NOVA1: variants seen among roughly 807,000 people sequenced by gnomAD.
NOVA1 encodes the protein NOVA alternative splicing regulator 1.
NOVA1 carries 7 observed loss-of-function variants against 38.0 expected under a neutral mutation model. The observed-to-expected ratio is 0.18, with a 90% confidence interval of 0.10 to 0.35. The LOEUF (loss-of-function observed/expected upper bound fraction) is 0.35, where lower values mean the gene tolerates loss of function less well. NOVA1 is among the 10% of genes least tolerant of loss of function. NOVA1 has a pLI of 1.00. For missense variants in NOVA1, 460 were observed against 616.0 expected, an observed-to-expected ratio of 0.75 and a Z score of 2.68; for synonymous variants, 270 against 232.5, an observed-to-expected ratio of 1.16 and a Z score of -1.47.
chr14:26,545,567 A>G (rs1031667687), intron 2 of NOVA1, among the ~76,000 whole-genome samples: 2 of 152,092 alleles, frequency 1.3e-5, no homozygotes, highest in Middle Eastern at 3.2e-3. Context: ...CCTGAGGACA[A>G]TGGGGGCCAC....
intron 2 of NOVA1, 108 bp downstream of exon 2, chr14:26,595,302 A>T: frequency 8.5e-6 from 9 of 1,065,046 alleles, no homozygotes; most frequent in Non-Finnish European, 1.2e-5. Flanking sequence ...ATATCTAAAT[A>T]AAGTCTCCAG....
intron 2 of NOVA1, among the ~76,000 whole-genome samples, chr14:26,552,908 T>C (rs952333765): frequency 6.6e-6 from 1 of 152,196 alleles, no homozygotes; most frequent in South Asian, 2.1e-4. Flanking sequence ...GGTAGAATGA[T>C]AGCAAAGCTC....
At chr14:26,506,536 C>T (rs1887649140) in intron 2 of NOVA1, among the ~76,000 whole-genome samples, 1 of 152,142 alleles carries the variant, frequency 6.6e-6, no homozygotes, top group African/African-American at 2.4e-5. Flanking sequence ...TTAATCAGTG[C>T]AGACCTTAAA....
In NOVA1 at chr14:26,597,463, G is replaced by GGA; in HGVS notation, c.-29_-28dup. The stretch of plus-strand genomic sequence containing the variant: ...TTTGCAGTTCCTGCCGCTGCTACCG[G>GGA]GAGAAGGTTCTCCCTTTTGTTTTGG... On this transcript the variant is annotated 5_prime_UTR_variant, in exon 1 of 5. Transcript: ENST00000539517. 1 of 1,283,862 alleles carries GGA rather than the reference G, an allele frequency of 7.8e-7. No homozygotes were observed. Among genetic ancestry groups the GGA allele is most frequent in the Non-Finnish European group, 9.9e-7 (1 of 1,008,088 alleles). The allele number at this position is 1,283,862 out of a possible 1,614,324, so 79.5% of individuals were successfully genotyped here. A position where few individuals can be genotyped will look rare whatever the true frequency, so the allele number is the denominator to read the frequency against.
chr14:26,597,582 C>T lies in NOVA1; in HGVS notation c.-146G>A. On this transcript the variant is annotated 5_prime_UTR_variant, in exon 1 of 5. Coordinates refer to ENST00000539517, the MANE Select transcript of NOVA1 (RefSeq NM_002515.3). ...TTTTTAATCGGATCAATATAAATCT[C>T]TTTAGGAAAAAAAGCAATGTTGCTG... 8.5e-7 allele frequency: 1 copy of T among 1,179,374 alleles called. No individual in the cohort carries two copies. Among genetic ancestry groups the T allele is most frequent in the Non-Finnish European group, 1.0e-6 (1 of 970,602 alleles). 73.1% of individuals were successfully genotyped at this position (1,179,374 alleles called of 1,614,324 possible).
At chr14:26,482,595 C>T (rs191036049) in intron 2 of NOVA1, among the ~76,000 whole-genome samples, 7 of 152,222 alleles carry the variant, frequency 4.6e-5, no homozygotes, top group Admixed American at 3.9e-4. Flanking sequence ...TTAACAGTAG[C>T]ATTTATTTCT....
chr14:26,469,963 T>C (rs1449731048), intron 4 of NOVA1, among the ~76,000 whole-genome samples: 1 of 152,170 alleles, frequency 6.6e-6, no homozygotes, highest in East Asian at 1.9e-4. Flanking sequence ...GACAACACTG[T>C]AGTCAGAGTC....
At chr14:26,452,480 T>C (rs1201948282) in intron 4 of NOVA1, among the ~76,000 whole-genome samples, 1 of 152,180 alleles carries the variant, frequency 6.6e-6, no homozygotes, top group Non-Finnish European at 1.5e-5. Context: ...AGATAGATTA[T>C]TTTCTCTTAC....
At chr14:26,563,418 T>A (rs1891945987) in intron 2 of NOVA1, among the ~76,000 whole-genome samples, 1 of 150,174 alleles carries the variant, frequency 6.7e-6, no homozygotes, top group Admixed American at 6.6e-5. Context: ...ACTGAAACAT[T>A]CAATGAAAGA....
intron 2 of NOVA1, among the ~76,000 whole-genome samples, chr14:26,540,308 G>C (rs1208837696): frequency 6.6e-6 from 1 of 152,130 alleles, no homozygotes; most frequent in African/African-American, 2.4e-5. Flanking sequence ...GCCCATGCAG[G>C]GATCTAGGCT....
chr14:26,547,318 C>G (rs1181546486), intron 2 of NOVA1, among the ~76,000 whole-genome samples: 1 of 151,992 alleles, frequency 6.6e-6, no homozygotes, highest in East Asian at 1.9e-4. Flanking sequence ...TCTAAATAAA[C>G]TAAACAAATG....
chr14:26,454,973 C>T (rs1237781087), intron 4 of NOVA1, among the ~76,000 whole-genome samples: 2 of 152,076 alleles, frequency 1.3e-5, no homozygotes, highest in Non-Finnish European at 2.9e-5. Flanking sequence ...AAATGGTATC[C>T]TTTCGATTAC....
At chr14:26,512,481 G>C (rs906337769) in intron 2 of NOVA1, among the ~76,000 whole-genome samples, 1 of 152,098 alleles carries the variant, frequency 6.6e-6, no homozygotes, top group Non-Finnish European at 1.5e-5. Flanking sequence ...CACATTTCTA[G>C]TTAGCTTCAA....
At chr14:26,527,960 A>G (rs1000662721) in intron 2 of NOVA1, among the ~76,000 whole-genome samples, 2 of 152,286 alleles carry the variant, frequency 1.3e-5, no homozygotes, top group Non-Finnish European at 2.9e-5. Context: ...AGGTAACTAG[A>G]GCCTAAAAAC....
chr14:26,558,311 A>C (rs765561289), intron 2 of NOVA1, among the ~76,000 whole-genome samples: 3 of 152,186 alleles, frequency 2.0e-5, no homozygotes, highest in Non-Finnish European at 4.4e-5. Flanking sequence ...CTAATTGTCC[A>C]AACTTGGAAG....
intron 4 of NOVA1, among the ~76,000 whole-genome samples, chr14:26,450,552 T>C (rs556816056): frequency 1.3e-5 from 2 of 152,290 alleles, no homozygotes; most frequent in Admixed American, 1.3e-4. Context: ...AGTCTAAGTT[T>C]TCTTGGGAAT....
chr14:26,494,070 A>G (rs1309442044), intron 2 of NOVA1, among the ~76,000 whole-genome samples: 6 of 152,214 alleles, frequency 3.9e-5, no homozygotes, highest in African/African-American at 1.4e-4. Flanking sequence ...TTCTTCAGCC[A>G]TCATCAGACT....
intron 4 of NOVA1, among the ~76,000 whole-genome samples, chr14:26,459,902 G>A (rs1261635881): frequency 6.6e-6 from 1 of 151,624 alleles, no homozygotes; most frequent in Non-Finnish European, 1.5e-5. Context: ...ATTTTTTATT[G>A]TCATTTTTAC....
intron 2 of NOVA1, among the ~76,000 whole-genome samples, chr14:26,564,108 C>T (rs1265065793): frequency 6.6e-6 from 1 of 152,050 alleles, no homozygotes; most frequent in Non-Finnish European, 1.5e-5. Flanking sequence ...TAGTGTTTTG[C>T]TCTACTATAT....
Sources: gnomAD v4.1 joint callset for allele counts (sites outside exome capture counted in the v4.1 genomes callset) on GRCh38, gnomAD v4.1.1 for gene constraint, MANE v1.5 for transcripts, NCBI Gene and HGNC (gene_info 2026-07-23, HGNC 2026-07-21) for gene names.